Variants in ADAMTSL2 observed in about 807,000 individuals in gnomAD.
ADAMTSL2 encodes the protein ADAMTS like 2, also known as ADAMTS-like protein 2.
A neutral mutation model predicts 117.0 loss-of-function variants in ADAMTSL2; 55 were observed. That is an observed-to-expected ratio of 0.47 (90% confidence interval 0.38 to 0.59). The LOEUF (loss-of-function observed/expected upper bound fraction) is 0.59. Among genes scored for constraint, ADAMTSL2 ranks in the 20% least tolerant of loss-of-function variants. ADAMTSL2 has a pLI of 0.00. For missense variants in ADAMTSL2, 1,182 were observed against 1,354.5 expected, an observed-to-expected ratio of 0.87 and a Z score of 2.00; for synonymous variants, 572 against 566.4, an observed-to-expected ratio of 1.01 and a Z score of -0.14.
At chr9:133,542,274 G>A (rs1412617793) in intron 7 of ADAMTSL2, among the ~76,000 whole-genome samples, 5 of 152,210 alleles carry the variant, frequency 3.3e-5, no homozygotes, top group South Asian at 4.1e-4. Context: ...TGAATAATGC[G>A]GGCTGGGTGT....
intron 11 of ADAMTSL2, among the ~76,000 whole-genome samples, chr9:133,560,622 G>A (rs1291793393): frequency 3.3e-5 from 5 of 152,334 alleles, no homozygotes; most frequent in African/African-American, 7.2e-5. Context: ...CAGCAGGTCC[G>A]TGCAGCCATG....
intron 1 of ADAMTSL2, 136 bp downstream of exon 1, chr9:133,535,053 G>A (rs950086999): frequency 1.6e-6 from 2 of 1,284,852 alleles, no homozygotes; most frequent in African/African-American, 1.5e-5. Flanking sequence ...TGTGGGGAGG[G>A]GTCGGGCCGC....
At chr9:133,538,209 G>A in intron 3 of ADAMTSL2, 140 bp from the exon 4 acceptor site, 3 of 921,048 alleles carry the variant, frequency 3.3e-6, no homozygotes, top group Non-Finnish European at 5.4e-6. Flanking sequence ...TGTACGGGGT[G>A]GGAGTTGAGT....
intron 8 of ADAMTSL2, 122 bp from the exon 9 acceptor site, chr9:133,546,916 T>C: frequency 9.9e-7 from 1 of 1,013,478 alleles, no homozygotes; most frequent in Non-Finnish European, 1.6e-6. Context: ...GAGTTTCCTG[T>C]CTCGGGAGCA....
chr9:133,535,116 C>G (rs912534124), intron 1 of ADAMTSL2, among the ~76,000 whole-genome samples, 199 bp downstream of exon 1: 2 of 152,158 alleles, frequency 1.3e-5, no homozygotes, highest in Non-Finnish European at 2.9e-5. Context: ...GCCCGGAGCT[C>G]TGTGTGCACG....
chr9:133,567,402 T>C (rs972497071), intron 13 of ADAMTSL2, among the ~76,000 whole-genome samples: 31 of 152,226 alleles, frequency 2.0e-4, no homozygotes, highest in Non-Finnish European at 4.0e-4. Flanking sequence ...CTCAAGGGAT[T>C]ATTCCCAAGA....
At chr9:133,549,446 T>A (rs1340862478) in intron 9 of ADAMTSL2, among the ~76,000 whole-genome samples, 1 of 151,874 alleles carries the variant, frequency 6.6e-6, no homozygotes, top group Non-Finnish European at 1.5e-5. Context: ...CCAGTTATCA[T>A]CACAAGGGGC....
Position 133,540,691 on chromosome 9 carries a change from C to T in ADAMTSL2, c.506C>T (p.Thr169Ile). 6.2e-7 allele frequency: 1 copy of T among 1,613,856 alleles called. No individual in the cohort carries two copies. The highest frequency in any genetic ancestry group is 8.5e-7 in the Non-Finnish European group (1 of 1,180,048). ...RQLMVPARDG[T>I]SCKLTDLRGV... ...CTCATGGTCCCCGCCCGCGACGGCA[C>T]ATCCTGCAAGCTCACTGACCTGCGA... is the stretch of plus-strand genomic sequence containing the variant. Residue 169 changes from threonine (T) to isoleucine (I), a missense_variant, in exon 6 of 19, where the codon ACA (threonine) becomes ATA (isoleucine). Physicochemically the swap from Thr to Ile is moderately conservative, Grantham distance 89. This residue lies in a region of ADAMTSL2 where 372 missense variants were observed against 463.4 expected (regional missense o/e 0.80). Coordinates refer to ENST00000651351, the MANE Select transcript of ADAMTSL2 (RefSeq NM_014694.4).
At position 133,569,477 on chromosome 9, in the gene ADAMTSL2, G is replaced by T. The variant is rs1344526732; in HGVS notation, c.2314G>T (p.Val772Leu). The T allele has an allele frequency of 6.2e-7, 1 of 1,613,334 alleles. No individual in the cohort carries two copies. The highest frequency in any genetic ancestry group is 8.5e-7 in the Non-Finnish European group (1 of 1,179,952). The change falls in exon 16 of 19, where the codon GTA becomes TTA. Residue 772 changes from valine to leucine, a missense_variant. Physicochemically the swap from Val to Leu is conservative, Grantham distance 32. Around this residue, in one of 3 missense-constraint regions of ADAMTSL2, gnomAD observed 465 missense variants for 565.3 expected, o/e 0.82. Coordinates refer to ENST00000651351, the MANE Select transcript of ADAMTSL2 (RefSeq NM_014694.4). ...CTGCAAGACCAGCGACGGACGGGTA[G>T]TACCTGAGTCCCAGTGCCAGATGGA... ...VYCKTSDGRV[V>L]PESQCQMETK...
intron 7 of ADAMTSL2, 70 bp from the exon 8 acceptor site, chr9:133,544,400 G>C (rs1385227163): frequency 1.3e-5 from 16 of 1,248,606 alleles, no homozygotes; most frequent in Non-Finnish European, 1.3e-5. Context: ...AATAGCTGTG[G>C]AGTGGGCGAG....
rs9802736 is a variant in ADAMTSL2 at position 133,544,335 on chromosome 9, A to G, written c.683-135A>G. ...CAATGGGACGGGGCTGAGCTGAGCT[A>G]CACAAGCGGGTGTGGGGGTTGGGCC... On this transcript the variant is annotated intron_variant, in intron 7 of 18. Transcript: ENST00000651351. 304,270 of 797,422 alleles carry G rather than the reference A, an allele frequency of 0.38. 59,177 individuals are homozygous for G. Among genetic ancestry groups the G allele is most frequent in the East Asian group, 0.47 (18,715 of 40,084 alleles). The allele number at this position is 797,422 out of a possible 1,614,324, so 49.4% of individuals were successfully genotyped here.
chr9:133,540,562 C>G, intron 5 of ADAMTSL2, 36 bp from the exon 6 acceptor site: 1 of 1,611,124 alleles, frequency 6.2e-7, no homozygotes. Flanking sequence ...ATTTCCTGCC[C>G]CGCTGAAACC....
rs769595403 is a variant in ADAMTSL2, at chr9:133,557,533, G to C, written c.1649+1603G>C. Among the ~76,000 whole-genome samples, 2 of 152,280 alleles carry C rather than the reference G, an allele frequency of 1.3e-5. No homozygotes were observed. The highest frequency in any genetic ancestry group is 6.5e-5 in the Admixed American group (1 of 15,294). On this transcript the variant is annotated intron_variant, in intron 11 of 18. Transcript: ENST00000651351. This position sits in a 1 kb window ranked among gnomAD's most constrained non-coding sequence, Gnocchi z 5.2. Reference sequence around the variant, plus strand: ...GGGCCTTGCTTTGGGTATAGTGTCTGAGTCTGAGAGGGGGTCCTGGGTAAA... The same window carrying C: ...GGGCCTTGCTTTGGGTATAGTGTCTCAGTCTGAGAGGGGGTCCTGGGTAAA...
intron 9 of ADAMTSL2, 90 bp downstream of exon 9, chr9:133,547,303 C>T (rs1020538539): frequency 4.7e-5 from 64 of 1,365,816 alleles, no homozygotes; most frequent in Middle Eastern, 5.1e-4. Flanking sequence ...CAGCCCGTGA[C>T]GCCCCCAGGG....
Position 133,539,673 on chromosome 9 carries a change from G to GGCTGTCCCGGCTGTCCCA in ADAMTSL2, c.310-85_310-84insTCCCAGCTGTCCCGGCTG, listed in dbSNP as rs1554810821. On this transcript the variant is annotated intron_variant, in intron 4 of 18. Coordinates refer to ENST00000651351, the MANE Select transcript of ADAMTSL2 (RefSeq NM_014694.4). ...CCCGCACGGCTGTCCCGGCTGTCCCGGCTGTCCCGGCTGCAGCCACTTCCT... is the reference window on the plus strand; with the variant it reads ...CCCGCACGGCTGTCCCGGCTGTCCCGGCTGTCCCGGCTGTCCCAGCTGTCCCGGCTGCAGCCACTTCCT... 153 of 1,261,764 alleles carry GGCTGTCCCGGCTGTCCCA rather than the reference G, an allele frequency of 1.2e-4. 1 individual carries two copies. Among genetic ancestry groups the GGCTGTCCCGGCTGTCCCA allele is most frequent in the Middle Eastern group, 1.2e-3 (6 of 5,194 alleles). The allele number at this position is 1,261,764 out of a possible 1,614,324, so 78.2% of individuals were successfully genotyped here. A position where few individuals can be genotyped will look rare whatever the true frequency, so the allele number is the denominator to read the frequency against.
chr9:133,556,000 A>G, intron 11 of ADAMTSL2, 70 bp downstream of exon 11: 1 of 1,572,076 alleles, frequency 6.4e-7, no homozygotes, highest in Non-Finnish European at 8.6e-7. Context: ...CCAGGTAGAA[A>G]GTGAGGCCCC....
chr9:133,546,540 G>A (rs985790932), intron 8 of ADAMTSL2, among the ~76,000 whole-genome samples: 2 of 152,146 alleles, frequency 1.3e-5, no homozygotes, highest in Admixed American at 1.3e-4. Context: ...GGAGAGGTTG[G>A]AGCTGGCCAG....
intron 17 of ADAMTSL2, among the ~76,000 whole-genome samples, chr9:133,571,149 G>A (rs1284044050): frequency 3.9e-5 from 6 of 152,212 alleles, no homozygotes; most frequent in Non-Finnish European, 7.3e-5. Flanking sequence ...AGGCACGTGT[G>A]GCAACCCTCA....
At chr9:133,536,151 T>TC (rs1292751377) in intron 1 of ADAMTSL2, among the ~76,000 whole-genome samples, 2 of 152,200 alleles carry the variant, frequency 1.3e-5, no homozygotes, top group South Asian at 2.1e-4. Context: ...GGCTGCACAT[T>TC]CCCCCGGGAC....
Sources: gnomAD v4.1 joint callset for allele counts (sites outside exome capture counted in the v4.1 genomes callset) on GRCh38, gnomAD v4.1.1 for gene constraint, gnomAD v4.1.1 regional missense constraint, Gnocchi (gnomAD v3.1) non-coding constraint, MANE v1.5 for transcripts, NCBI Gene and HGNC (gene_info 2026-07-23, HGNC 2026-07-21) for gene names.